The following WDR45B variants were observed in gnomAD, a reference collection of about 807,000 sequenced individuals.
The protein encoded by WDR45B is WD repeat domain 45B.
In WDR45B, 20 loss-of-function variants were observed where a neutral mutation model predicts 44.6. The observed-to-expected ratio is 0.45, with a 90% CI of 0.32 to 0.65. The LOEUF (loss-of-function observed/expected upper bound fraction) is 0.65, where lower values mean the gene tolerates loss of function less well. Among genes scored for constraint, WDR45B ranks in the 30% least tolerant of loss-of-function variants. The probability of loss-of-function intolerance (pLI) is 0.05; values close to 1 mark genes in which losing one functional copy is unlikely to be tolerated. For synonymous variants in WDR45B, 169 were observed against 164.9 expected (o/e 1.02, Z -0.19); for missense variants, 323 against 430.2 (o/e 0.75, Z 2.20).
At chr17:82,631,139 A>C (rs1598270490) in intron 2 of WDR45B, 117 bp from the exon 3 acceptor site, 2 of 949,724 alleles carry the variant, frequency 2.1e-6, no homozygotes, top group East Asian at 2.7e-5. Context: ...TTTGTAAGAG[A>C]CAAGATCTCA....
At chr17:82,630,150 C>T (rs1312297585) in intron 3 of WDR45B, among the ~76,000 whole-genome samples, 1 of 152,160 alleles carries the variant, frequency 6.6e-6, no homozygotes, top group Non-Finnish European at 1.5e-5. Flanking sequence ...GCTTCCCACA[C>T]CTGCCCCATC....
chr17:82,647,854 G>A (rs533549752), intron 1 of WDR45B, among the ~76,000 whole-genome samples: 3 of 152,000 alleles, frequency 2.0e-5, no homozygotes, highest in East Asian at 2.0e-4. Context: ...TGGGCAGGGC[G>A]TCAATCACGC....
chr17:82,646,524 A>AAGG (rs1352721719), intron 1 of WDR45B, among the ~76,000 whole-genome samples: 1 of 151,476 alleles, frequency 6.6e-6, no homozygotes, highest in Non-Finnish European at 1.5e-5. Flanking sequence ...CCAAAACAAA[A>AAGG]AAACAGCTAG....
chr17:82,616,430 T>C (rs543925987), intron 9 of WDR45B, 94 bp downstream of exon 9: 10 of 1,599,570 alleles, frequency 6.3e-6, no homozygotes, highest in Non-Finnish European at 7.7e-6. Context: ...CACAGCGCGG[T>C]GCTGGGACGT....
chr17:82,619,416 T>C (rs2045583854), intron 6 of WDR45B, among the ~76,000 whole-genome samples: 1 of 152,122 alleles, frequency 6.6e-6, no homozygotes, highest in Non-Finnish European at 1.5e-5. Context: ...CCCGCATCCC[T>C]GGCTGAGACC....
At chr17:82,644,161 T>C in intron 1 of WDR45B, 138 bp from the exon 2 acceptor site, 1 of 777,596 alleles carries the variant, frequency 1.3e-6, no homozygotes, top group Non-Finnish European at 2.2e-6. Context: ...AAGTCACAAC[T>C]CCTGTCCTTG....
chr17:82,618,420 T>C (rs2045568909), intron 7 of WDR45B, among the ~76,000 whole-genome samples: 1 of 152,132 alleles, frequency 6.6e-6, no homozygotes, highest in Admixed American at 6.6e-5. Flanking sequence ...TGTAACAGGC[T>C]GGAATCAGAC....
At chr17:82,638,722 T>C (rs1481510404) in intron 2 of WDR45B, among the ~76,000 whole-genome samples, 1 of 152,076 alleles carries the variant, frequency 6.6e-6, no homozygotes, top group African/African-American at 2.4e-5. Context: ...TCTGTGGAGT[T>C]TTATTTTTAA....
intron 2 of WDR45B, among the ~76,000 whole-genome samples, chr17:82,636,218 G>A (rs560837489): frequency 3.1e-4 from 43 of 136,694 alleles, no homozygotes; most frequent in African/African-American, 1.1e-3. Context: ...CCGAGATCAC[G>A]CCACTGCACT....
chr17:82,621,853 A>G (rs186695954), intron 5 of WDR45B, 54 bp from the exon 6 acceptor site: 5 of 1,598,604 alleles, frequency 3.1e-6, no homozygotes, highest in Admixed American at 1.7e-5. Flanking sequence ...TCTCACAGCC[A>G]AAGTCCACTT....
chr17:82,640,344 G>A (rs1380709941), intron 2 of WDR45B, among the ~76,000 whole-genome samples: 2 of 150,424 alleles, frequency 1.3e-5, no homozygotes, highest in East Asian at 3.9e-4. Flanking sequence ...TCTTCACTGG[G>A]ATTTTTTTCT....
chr17:82,636,270 A>C (rs2045831648), intron 2 of WDR45B, among the ~76,000 whole-genome samples: 1 of 150,812 alleles, frequency 6.6e-6, no homozygotes, highest in Non-Finnish European at 1.5e-5. Flanking sequence ...CAAAAAAAAA[A>C]AAAAAAAAAG....
Position 82,617,180 on chromosome 17 carries a change from A to C in WDR45B, c.806+116T>G, listed in dbSNP as rs972466087. The C allele has an allele frequency of 1.3e-5, 11 of 877,270 alleles. No individual in the cohort carries two copies. The African/African-American group carries it at 1.5e-4, about 12-fold the overall frequency. 54.3% of individuals were successfully genotyped at this position (877,270 alleles called of 1,614,324 possible). A position where few individuals can be genotyped will look rare whatever the true frequency, so the allele number is the denominator to read the frequency against. On this transcript the variant is annotated intron_variant, in intron 8 of 9. Coordinates refer to ENST00000392325, the MANE Select transcript of WDR45B (RefSeq NM_019613.4). ...TGAAAAAGATTTCAGCGCTGATAGC[A>C]TATGAGGTCTGTCCACACCACCCTG...
At chr17:82,627,314 T>C (rs772933381) in intron 3 of WDR45B, 23 bp from the exon 4 acceptor site, 9 of 1,581,628 alleles carry the variant, frequency 5.7e-6, no homozygotes, top group Non-Finnish European at 7.8e-6. Context: ...AAAGAAAAGA[T>C]GAATGCAGTC....
intron 2 of WDR45B, among the ~76,000 whole-genome samples, chr17:82,634,680 G>A (rs1042012057): frequency 7.2e-5 from 11 of 151,866 alleles, no homozygotes; most frequent in African/African-American, 1.9e-4. Flanking sequence ...CAAACAGCAC[G>A]TGCTCCATAC....
intron 8 of WDR45B, 82 bp downstream of exon 8, chr17:82,617,214 G>T: frequency 2.3e-6 from 3 of 1,279,842 alleles, no homozygotes; most frequent in African/African-American, 1.5e-5. Flanking sequence ...TGCTGGGGTG[G>T]GGGGCCTGTC....
chr17:82,625,737 C>G (rs927482665), intron 4 of WDR45B: 5 of 497,080 alleles, frequency 1.0e-5, no homozygotes, highest in African/African-American at 2.0e-5. Context: ...CTCTGAGGTT[C>G]AGAGAGACAT....
At chr17:82,631,120 T>C (rs2045761135) in intron 2 of WDR45B, 98 bp from the exon 3 acceptor site, 1 of 1,219,690 alleles carries the variant, frequency 8.2e-7, no homozygotes, top group Non-Finnish European at 1.2e-6. Flanking sequence ...ACGCAGCAAT[T>C]TTCTATTTTT....
chr17:82,646,320 T>G (rs1454564269), intron 1 of WDR45B, among the ~76,000 whole-genome samples: 2 of 150,220 alleles, frequency 1.3e-5, no homozygotes, highest in Non-Finnish European at 3.0e-5. Flanking sequence ...AAACCCAGTC[T>G]CTACTAAAAA....
Sources: gnomAD v4.1 joint callset for allele counts (sites outside exome capture counted in the v4.1 genomes callset) on GRCh38, gnomAD v4.1.1 for gene constraint, MANE v1.5 for transcripts, NCBI Gene and HGNC (gene_info 2026-07-23, HGNC 2026-07-21) for gene names.